DLC1: variants seen among roughly 807,000 people sequenced by gnomAD.
The protein encoded by DLC1 is rho GTPase-activating protein 7.
A neutral mutation model predicts 140.3 loss-of-function variants in DLC1; 54 were observed. The ratio of observed to expected loss-of-function variants is 0.38; its 90% CI spans 0.31 to 0.48. The LOEUF is 0.48. DLC1 is among the 20% of genes least tolerant of loss of function. The probability of loss-of-function intolerance (pLI) is 0.96; values close to 1 mark genes in which losing one functional copy is unlikely to be tolerated. For missense variants in DLC1, 2,536 were observed against 1,907.0 expected, an observed-to-expected ratio of 1.33 and a Z score of -6.14; for synonymous variants, 986 against 728.1, an observed-to-expected ratio of 1.35 and a Z score of -5.70.
At chr8:13,199,306 C>T (rs150471261) in intron 5 of DLC1, among the ~76,000 whole-genome samples, 144 of 150,032 alleles carry the variant, frequency 9.6e-4, no homozygotes, top group African/African-American at 3.1e-3. Flanking sequence ...TGCTTAGCCT[C>T]TCAAATAGCT....
intron 1 of DLC1, among the ~76,000 whole-genome samples, chr8:13,530,569 C>T (rs754922732): frequency 3.9e-5 from 6 of 152,084 alleles, no homozygotes; most frequent in African/African-American, 7.2e-5. Flanking sequence ...CACATGCCTG[C>T]GAGTCAAAAC....
intron 1 of DLC1, among the ~76,000 whole-genome samples, chr8:13,573,847 C>T (rs55906141): frequency 0.067 from 10,231 of 152,116 alleles, 571 homozygotes; most frequent in Admixed American, 0.17. Context: ...TTACATATGA[C>T]GTTAATATAA....
chr8:13,284,537 G>A (rs985448916), intron 5 of DLC1, among the ~76,000 whole-genome samples: 6 of 151,628 alleles, frequency 4.0e-5, no homozygotes, highest in African/African-American at 1.5e-4. Context: ...AAAAAAAAGT[G>A]AATAAAAAAT....
In DLC1 at chr8:13,243,829, A is replaced by G. The variant is rs566224128; in HGVS notation, c.1348+61440T>C. On this transcript the variant is annotated intron_variant, in intron 5 of 17. Transcript: ENST00000276297. ...CTGTCTTTCCATGTATTCTTGGACAATCTCATTCTCTTCCTATTTGTTGAT... is the reference window on the plus strand; with the variant it reads ...CTGTCTTTCCATGTATTCTTGGACAGTCTCATTCTCTTCCTATTTGTTGAT... Among the ~76,000 whole-genome samples, 41 of 152,054 alleles carry G rather than the reference A, an allele frequency of 2.7e-4. 1 individual carries two copies. In the South Asian group the frequency reaches 7.3e-3, roughly 27 times the overall value.
At chr8:13,444,519 C>T (rs958680123) in intron 2 of DLC1, among the ~76,000 whole-genome samples, 7 of 152,098 alleles carry the variant, frequency 4.6e-5, no homozygotes, top group South Asian at 2.1e-4. Flanking sequence ...TTTCAGTGAT[C>T]GAAGTGGCAA....
intron 4 of DLC1, among the ~76,000 whole-genome samples, chr8:13,392,472 C>A (rs1181250061): frequency 2.6e-5 from 4 of 152,140 alleles, no homozygotes; most frequent in Non-Finnish European, 2.9e-5. Flanking sequence ...GCAATTGCAG[C>A]AAATCTGTCA....
chr8:13,506,573 G>GTT (rs1490004716), intron 1 of DLC1, among the ~76,000 whole-genome samples: 2 of 9,598 alleles, frequency 2.1e-4, no homozygotes, highest in Non-Finnish European at 1.4e-3. Context: ...ACACATGTGT[G>GTT]TGTGTGTGTA....
chr8:13,601,272 T>C (rs1805873506), intron 1 of DLC1, among the ~76,000 whole-genome samples: 2 of 151,852 alleles, frequency 1.3e-5, no homozygotes, highest in Non-Finnish European at 1.5e-5. Flanking sequence ...GATTTCTGAC[T>C]AGCTCTTGAG....
At chr8:13,268,377 C>T (rs1014404409) in intron 5 of DLC1, among the ~76,000 whole-genome samples, 7 of 151,584 alleles carry the variant, frequency 4.6e-5, no homozygotes, top group Non-Finnish European at 8.8e-5. Context: ...TGCAGTGGCG[C>T]GATCTCGGCT....
intron 2 of DLC1, among the ~76,000 whole-genome samples, chr8:13,424,721 C>T (rs1177227636): frequency 6.6e-6 from 1 of 151,930 alleles, no homozygotes; most frequent in East Asian, 1.9e-4. Flanking sequence ...TACAGGCACC[C>T]ACCACCTCGC....
intron 4 of DLC1, among the ~76,000 whole-genome samples, chr8:13,364,556 C>G (rs1349002446): frequency 6.6e-6 from 1 of 152,174 alleles, no homozygotes; most frequent in Non-Finnish European, 1.5e-5. Flanking sequence ...CTTGGCCTTC[C>G]AAAGTGCTGG....
chr8:13,358,248 A>G (rs1385496442), intron 4 of DLC1, among the ~76,000 whole-genome samples: 5 of 152,256 alleles, frequency 3.3e-5, no homozygotes, highest in Non-Finnish European at 7.3e-5. Flanking sequence ...ACAAACACGC[A>G]TAAAAATACA....
At chr8:13,518,047 G>A (rs1436619923), upstream of DLC1, among the ~76,000 whole-genome samples, 2 of 152,090 alleles carry the variant, frequency 1.3e-5, no homozygotes, top group Admixed American at 1.3e-4. Flanking sequence ...TGTACTCTGT[G>A]GAAAGAAGAA....
At chr8:13,602,767 T>C (rs1805931829) in intron 1 of DLC1, among the ~76,000 whole-genome samples, 1 of 151,914 alleles carries the variant, frequency 6.6e-6, no homozygotes. Flanking sequence ...TTCAAAATCA[T>C]ATTTCCCAGA....
At chr8:13,104,741 C>T (rs994841361) in intron 7 of DLC1, among the ~76,000 whole-genome samples, 10 of 152,138 alleles carry the variant, frequency 6.6e-5, no homozygotes, top group Non-Finnish European at 1.3e-4. Context: ...CTGATAAGCC[C>T]GATTTTGCCT....
At chr8:13,576,958 G>T (rs765304336) in intron 1 of DLC1, among the ~76,000 whole-genome samples, 1 of 151,908 alleles carries the variant, frequency 6.6e-6, no homozygotes, top group Admixed American at 6.5e-5. Flanking sequence ...AGTGCTTACC[G>T]AGGAACATAT....
At chr8:13,494,620 C>G (rs1179349690) in intron 2 of DLC1, among the ~76,000 whole-genome samples, 6 of 152,132 alleles carry the variant, frequency 3.9e-5, no homozygotes, top group Non-Finnish European at 8.8e-5. Flanking sequence ...CACTATTATG[C>G]TTTCTGAGAT....
intron 1 of DLC1, among the ~76,000 whole-genome samples, chr8:13,550,710 A>G (rs1470010484): frequency 6.6e-6 from 1 of 152,108 alleles, no homozygotes; most frequent in Non-Finnish European, 1.5e-5. Flanking sequence ...ACACTGCTGA[A>G]TGGACGAATC....
intron 1 of DLC1, chr8:13,567,360 G>C: frequency 6.4e-7 from 1 of 1,551,710 alleles, no homozygotes; most frequent in Non-Finnish European, 8.7e-7. Flanking sequence ...ATGCCCTGCA[G>C]TCTTATTGCA....
Sources: allele counts gnomAD v4.1 joint callset (sites outside exome capture counted in the v4.1 genomes callset), GRCh38; gene constraint gnomAD v4.1.1; transcripts MANE v1.5; gene names NCBI Gene and HGNC (gene_info 2026-07-23, HGNC 2026-07-21).